Variants in LYRM4 observed in about 807,000 individuals in gnomAD.
LYRM4 encodes LYR motif-containing protein 4.
In LYRM4, 9 loss-of-function variants were observed where a neutral mutation model predicts 11.7. The ratio of observed to expected loss-of-function variants is 0.77; its 90% CI spans 0.46 to 1.34. LYRM4 has a LOEUF of 1.34. Among genes scored for constraint, LYRM4 ranks in the 40% most tolerant of loss-of-function variants. The pLI, the probability that LYRM4 is intolerant of heterozygous loss-of-function variation, is 0.00. For missense variants in LYRM4, 133 were observed against 112.5 expected, an observed-to-expected ratio of 1.18 and a Z score of -0.82; for synonymous variants, 42 against 40.4, an observed-to-expected ratio of 1.04 and a Z score of -0.15.
At chr6:5,203,143 C>G (rs1016557508) in intron 2 of LYRM4, among the ~76,000 whole-genome samples, 1 of 152,150 alleles carries the variant, frequency 6.6e-6, no homozygotes, top group African/African-American at 2.4e-5. Context: ...ACTACCCACG[C>G]CCCCCGGACT....
intron 2 of LYRM4, among the ~76,000 whole-genome samples, chr6:5,147,766 C>T (rs757469365): frequency 5.5e-5 from 8 of 146,296 alleles, no homozygotes; most frequent in South Asian, 2.4e-4. Flanking sequence ...CCAAGTCAGA[C>T]GTGGTCCACG....
chr6:5,116,516 C>A (rs553057253), intron 2 of LYRM4, among the ~76,000 whole-genome samples: 1 of 152,182 alleles, frequency 6.6e-6, no homozygotes. Flanking sequence ...GGATTGCTGC[C>A]GTGGTGCTAA....
At chr6:5,245,936 G>A (rs752401429) in intron 1 of LYRM4, among the ~76,000 whole-genome samples, 9 of 152,166 alleles carry the variant, frequency 5.9e-5, no homozygotes, top group Admixed American at 2.0e-4. Context: ...GACATAAGGC[G>A]AGAAAGGCAG....
intron 1 of LYRM4, among the ~76,000 whole-genome samples, chr6:5,242,998 C>A (rs1383814422): frequency 6.6e-6 from 1 of 151,858 alleles, no homozygotes; most frequent in Non-Finnish European, 1.5e-5. Context: ...TGGTCTCGAT[C>A]TCCTGACCTC....
chr6:5,088,818 C>T, the LYRM4 span: 4 of 152,134 alleles, frequency 2.6e-5, no homozygotes, highest in African/African-American at 7.2e-5. Flanking sequence ...GTGAAAAGTG[C>T]GGTTATCATT....
chr6:5,236,778 T>C (rs1763570295), intron 1 of LYRM4, among the ~76,000 whole-genome samples: 1 of 146,400 alleles, frequency 6.8e-6, no homozygotes, highest in African/African-American at 2.6e-5. Flanking sequence ...TGAGACCCTG[T>C]CTCTAAAAAA....
chr6:5,113,988 C>G (rs909051508), intron 2 of LYRM4, among the ~76,000 whole-genome samples: 1 of 152,218 alleles, frequency 6.6e-6, no homozygotes, highest in African/African-American at 2.4e-5. Context: ...CTCCATTTTC[C>G]TTATGGGGTC....
intron 2 of LYRM4, among the ~76,000 whole-genome samples, chr6:5,131,833 G>T (rs1470179176): frequency 6.6e-6 from 1 of 152,098 alleles, no homozygotes; most frequent in Non-Finnish European, 1.5e-5. Flanking sequence ...CATTATAGAA[G>T]AATATTTAAA....
the LYRM4 span, chr6:5,042,837 C>G: frequency 6.6e-6 from 1 of 152,354 alleles, no homozygotes. Flanking sequence ...TCTGCTTGGC[C>G]CATGATCCTG....
chr6:5,066,847 C>G, the LYRM4 span: 12 of 836,714 alleles, frequency 1.4e-5, no homozygotes, highest in Non-Finnish European at 2.4e-5. Context: ...GGAGAGGAGT[C>G]AGACAGGCCA....
the LYRM4 span, among the ~76,000 whole-genome samples, chr6:5,070,131 T>C: frequency 6.6e-5 from 10 of 152,344 alleles, no homozygotes; most frequent in Admixed American, 2.0e-4. Flanking sequence ...AGAAAGGCCA[T>C]ATAACTTGCA....
At chr6:5,112,458 A>C (rs1353029391) in intron 2 of LYRM4, among the ~76,000 whole-genome samples, 2 of 152,224 alleles carry the variant, frequency 1.3e-5, no homozygotes, top group African/African-American at 4.8e-5. Flanking sequence ...TCTTTCCTAC[A>C]AGTGAAAGGC....
intron 2 of LYRM4, among the ~76,000 whole-genome samples, chr6:5,214,834 G>A (rs1253087245): frequency 6.6e-6 from 1 of 152,202 alleles, no homozygotes; most frequent in African/African-American, 2.4e-5. Context: ...TGTCTAACTG[G>A]TTCTCTGAAG....
chr6:5,103,367 G>A (rs748506542), downstream of LYRM4: 7 of 152,210 alleles, frequency 4.6e-5, no homozygotes, highest in South Asian at 2.1e-4. Flanking sequence ...CTCAGCAAAT[G>A]TGTACATTCC....
chr6:5,259,789 G>A (rs1037052424), intron 1 of LYRM4, among the ~76,000 whole-genome samples: 19 of 151,882 alleles, frequency 1.3e-4, no homozygotes, highest in African/African-American at 4.8e-5. Flanking sequence ...AGAGAGACAG[G>A]TAGTTAGTAA....
the LYRM4 span, chr6:5,054,288 G>A: frequency 1.6e-3 from 261 of 165,256 alleles, no homozygotes; most frequent in African/African-American, 4.5e-3. Flanking sequence ...CTGAGAGGTC[G>A]GTGTTAGTAT....
At chr6:5,132,181 A>C (rs1763985823) in intron 2 of LYRM4, among the ~76,000 whole-genome samples, 1 of 152,200 alleles carries the variant, frequency 6.6e-6, no homozygotes, top group African/African-American at 2.4e-5. Flanking sequence ...TAAGCAATAC[A>C]TATTTAGGAA....
At chr6:5,042,104 T>C in the LYRM4 span, among the ~76,000 whole-genome samples, 3 of 152,154 alleles carry the variant, frequency 2.0e-5, no homozygotes, top group African/African-American at 7.2e-5. Context: ...TCCGTGGAAA[T>C]TTTAAGACTT....
At chr6:5,203,533 T>C (rs1761512876) in intron 2 of LYRM4, among the ~76,000 whole-genome samples, 1 of 152,238 alleles carries the variant, frequency 6.6e-6, no homozygotes. Context: ...CAGTCTGCAA[T>C]GTGATGGGAA....
Sources: gnomAD v4.1 joint callset for allele counts (sites outside exome capture counted in the v4.1 genomes callset) on GRCh38, gnomAD v4.1.1 for gene constraint, MANE v1.5 for transcripts, NCBI Gene and HGNC (gene_info 2026-07-23, HGNC 2026-07-21) for gene names.